NCOR1: variants seen among roughly 807,000 people sequenced by gnomAD.
NCOR1 encodes the protein nuclear receptor corepressor 1.
NCOR1 carries 63 observed loss-of-function variants against 288.1 expected under a neutral mutation model. The observed-to-expected ratio is 0.22, with a 90% confidence interval of 0.18 to 0.27. The LOEUF is 0.27. Ranked by LOEUF, NCOR1 falls within the 10% of genes least tolerant of loss-of-function variation. NCOR1 has a pLI of 1.00. For missense variants in NCOR1, 2,397 were observed against 3,019.2 expected (o/e 0.79, Z 4.83); for synonymous variants, 1,007 against 1,065.9 (o/e 0.94, Z 1.08).
At position 16,039,496 on chromosome 17, in the gene NCOR1, T is replaced by C. The variant is rs556258444; in HGVS notation, c.6892A>G (p.Asn2298Asp). ...QPMGVVPGTA[N>D]TSVVTSGETR... ...TCACCACTGGTCACAACTGAGGTGTTGGCAGTACCAGGCACTACTCCCATA... is the reference window on the plus strand; with the variant it reads ...TCACCACTGGTCACAACTGAGGTGTCGGCAGTACCAGGCACTACTCCCATA... Residue 2298 changes from asparagine to aspartate, a missense_variant, in exon 44 of 46, where the codon AAC becomes GAC. By Grantham distance (23) the Asn-to-Asp change is conservative (BLOSUM62 1). This residue lies in a region of NCOR1 where 1,872 missense variants were observed against 2,187.8 expected (regional missense o/e 0.86). Transcript: ENST00000268712. 1 of 1,614,122 alleles carries C rather than the reference T, an allele frequency of 6.2e-7. No homozygotes were observed. Among genetic ancestry groups the C allele is most frequent in the African/African-American group, 1.3e-5 (1 of 75,012 alleles).
intron 17 of NCOR1, 141 bp from the exon 18 acceptor site, chr17:16,118,168 T>G (rs551529657): frequency 1.2e-5 from 10 of 827,246 alleles, no homozygotes; most frequent in African/African-American, 1.8e-5. Flanking sequence ...ATATATACTT[T>G]GATACTTATA....
Position 16,101,456 on chromosome 17 carries a change from C to T in NCOR1, c.2484G>A (p.Val828=). The change falls in exon 20 of 46, where the codon GTG becomes GTA. Residue 828 remains valine (V), a synonymous_variant. Coordinates refer to ENST00000268712, the MANE Select transcript of NCOR1 (RefSeq NM_006311.4). ...CAACTTTAGATGCATGGTTTTCTGG[C>T]ACCCTCACTTCAACGTCCACAGAGT... ...KADSVDVEVR[V]PENHASKVEG... 1 of 1,614,138 alleles carries T rather than the reference C, an allele frequency of 6.2e-7. No individual in the cohort carries two copies. Among genetic ancestry groups the T allele is most frequent in the Non-Finnish European group, 8.5e-7 (1 of 1,180,006 alleles).
rs926793313 is a variant in NCOR1, at chr17:16,031,731, T to A, written c.*565A>T. 3.9e-5 allele frequency: 9 copies of A among 229,380 alleles called. No homozygotes were observed. Among genetic ancestry groups the A allele is most frequent in the Non-Finnish European group, 7.8e-5 (9 of 115,794 alleles). 14.2% of individuals were successfully genotyped at this position (229,380 alleles called of 1,614,324 possible). ...AAAAATCTAAACATTTTCACAAGAT[T>A]TTAAACATCACTGGAAAGCTGAATT... is the stretch of plus-strand genomic sequence containing the variant. On this transcript the variant is annotated 3_prime_UTR_variant, in exon 46 of 46. Coordinates refer to ENST00000268712, the MANE Select transcript of NCOR1 (RefSeq NM_006311.4).
At chr17:16,158,707 G>C (rs2080224384) in intron 6 of NCOR1, 53 bp downstream of exon 6, 1 of 1,048,550 alleles carries the variant, frequency 9.5e-7, no homozygotes, top group African/African-American at 1.6e-5. Flanking sequence ...ACTGAAAAGG[G>C]CATCGTCAAG....
At chr17:16,036,889 CCTT>C (rs1168693065) in intron 44 of NCOR1, among the ~76,000 whole-genome samples, 1 of 152,218 alleles carries the variant, frequency 6.6e-6, no homozygotes, top group Non-Finnish European at 1.5e-5. Context: ...CTTTCAATTT[CCTT>C]CAAAAACTTT....
chr17:16,134,473 C>T (rs1378503678), intron 14 of NCOR1, among the ~76,000 whole-genome samples: 1 of 152,226 alleles, frequency 6.6e-6, no homozygotes, highest in African/African-American at 2.4e-5. Flanking sequence ...TGAGGGTATA[C>T]ATGGCAATTC....
At chr17:16,196,068 T>C (rs2089718169) in intron 1 of NCOR1, among the ~76,000 whole-genome samples, 1 of 150,630 alleles carries the variant, frequency 6.6e-6, no homozygotes, top group African/African-American at 2.4e-5. Context: ...AGACAGGAGT[T>C]CTATTATTAC....
chr17:16,151,673 A>C (rs2078886866), intron 8 of NCOR1: 5 of 1,324,806 alleles, frequency 3.8e-6, no homozygotes, highest in Non-Finnish European at 5.1e-6. Context: ...AAGCCATTTC[A>C]ATGTTAAGTA....
intron 25 of NCOR1, 34 bp downstream of exon 25, chr17:16,080,374 A>G: frequency 2.6e-6 from 4 of 1,537,328 alleles, no homozygotes; most frequent in Non-Finnish European, 2.7e-6. Context: ...TTGGGGACAA[A>G]AGTTTAACAT....
chr17:16,158,304 GCC>G (rs1229385058), intron 6 of NCOR1, among the ~76,000 whole-genome samples: 3 of 152,102 alleles, frequency 2.0e-5, no homozygotes, highest in Non-Finnish European at 4.4e-5. Context: ...TCAAACCATA[GCC>G]CAACTATCGA....
intron 15 of NCOR1, among the ~76,000 whole-genome samples, chr17:16,121,532 C>T (rs1424658127): frequency 2.0e-5 from 3 of 152,026 alleles, no homozygotes; most frequent in African/African-American, 7.2e-5. Flanking sequence ...ATTTAGAAAC[C>T]AGAACTACTC....
chr17:16,143,781 G>T, intron 10 of NCOR1, 85 bp from the exon 11 acceptor site: 1 of 991,262 alleles, frequency 1.0e-6, no homozygotes, highest in Non-Finnish European at 1.5e-6. Flanking sequence ...TTACTTTTCT[G>T]AATGGAACTT....
At chr17:16,138,277 ACTTGGG>A in intron 12 of NCOR1, 65 bp from the exon 13 acceptor site, 18 of 1,381,892 alleles carry the variant, frequency 1.3e-5, no homozygotes, top group Non-Finnish European at 1.7e-5. Flanking sequence ...AAAAAAAAAA[ACTTGGG>A]AAAAGAAAGA....
intron 19 of NCOR1, among the ~76,000 whole-genome samples, chr17:16,104,064 C>T (rs2068124320): frequency 1.3e-5 from 2 of 152,106 alleles, no homozygotes; most frequent in African/African-American, 4.8e-5. Context: ...TAATATAGTT[C>T]TGATACCACA....
intron 40 of NCOR1, among the ~76,000 whole-genome samples, chr17:16,052,483 T>C (rs1232125717): frequency 6.6e-6 from 1 of 152,170 alleles, no homozygotes; most frequent in African/African-American, 2.4e-5. Flanking sequence ...CCTTTATGCA[T>C]ATAACCTAGG....
At chr17:16,105,103 T>C (rs2068351839) in intron 19 of NCOR1, among the ~76,000 whole-genome samples, 1 of 152,182 alleles carries the variant, frequency 6.6e-6, no homozygotes, top group African/African-American at 2.4e-5. Context: ...GCCTCATAAA[T>C]TGCAGTAAGG....
chr17:16,049,158 C>A, intron 40 of NCOR1, 170 bp from the exon 41 acceptor site: 2 of 482,094 alleles, frequency 4.1e-6, no homozygotes, highest in East Asian at 3.7e-5. Context: ...TTAAAACAAA[C>A]AAACAACAAC....
intron 23 of NCOR1, among the ~76,000 whole-genome samples, chr17:16,081,250 C>T (rs1598330826): frequency 6.7e-6 from 1 of 148,644 alleles, no homozygotes; most frequent in African/African-American, 2.5e-5. Context: ...CTCTATCACC[C>T]AGGCTGGAGT....
intron 5 of NCOR1, among the ~76,000 whole-genome samples, chr17:16,162,497 T>C (rs141137935): frequency 0.017 from 2,603 of 149,948 alleles, 42 homozygotes; most frequent in Non-Finnish European, 0.028. Context: ...TGTATCATCA[T>C]AAAAATAACA....
Sources: gnomAD v4.1 joint callset for allele counts (sites outside exome capture counted in the v4.1 genomes callset) on GRCh38, gnomAD v4.1.1 for gene constraint, gnomAD v4.1.1 regional missense constraint, MANE v1.5 for transcripts, NCBI Gene and HGNC (gene_info 2026-07-23, HGNC 2026-07-21) for gene names.